Variants in C4orf50 observed in about 807,000 individuals in gnomAD.
C4orf50 encodes the protein chromosome 4 open reading frame 50, also known as uncharacterized protein C4orf50.
Under a neutral mutation model 77.2 loss-of-function variants are expected in C4orf50, and 80 were observed. That is an observed-to-expected ratio of 1.04 (90% CI 0.87 to 1.25). The LOEUF (loss-of-function observed/expected upper bound fraction) is 1.25, where lower values mean the gene tolerates loss of function less well. C4orf50 is among the 50% of genes most tolerant of loss of function. The pLI is 0.00. For missense variants in C4orf50, 1,257 were observed against 1,152.9 expected, an observed-to-expected ratio of 1.09 and a Z score of -1.31; for synonymous variants, 532 against 465.3, an observed-to-expected ratio of 1.14 and a Z score of -1.84.
intron 25 of C4orf50, among the ~76,000 whole-genome samples, chr4:6,004,012 TGTG>T (rs1722020078): frequency 7.7e-6 from 1 of 130,076 alleles, no homozygotes; most frequent in African/African-American, 2.9e-5. Context: ...ATGGTGATGA[TGTG>T]ATGGTGATAA....
At chr4:5,917,967 G>A (rs963771191) in intron 7 of C4orf50, among the ~76,000 whole-genome samples, 2 of 152,128 alleles carry the variant, frequency 1.3e-5, no homozygotes, top group African/African-American at 4.8e-5. Flanking sequence ...TCAGAGAGCC[G>A]GGGACTGGCC....
At chr4:5,914,627 T>C (rs1175893770) in intron 7 of C4orf50, among the ~76,000 whole-genome samples, 2 of 152,242 alleles carry the variant, frequency 1.3e-5, no homozygotes, top group Non-Finnish European at 2.9e-5. Flanking sequence ...AAGTTTACCA[T>C]GTCCTCTCTT....
At chr4:5,924,812 C>T (rs1333228855) in intron 7 of C4orf50, among the ~76,000 whole-genome samples, 2 of 152,204 alleles carry the variant, frequency 1.3e-5, no homozygotes, top group Non-Finnish European at 2.9e-5. Flanking sequence ...TTCAGTTGCC[C>T]ATGGAACATC....
chr4:5,910,195 T>TA (rs944253835), intron 7 of C4orf50, among the ~76,000 whole-genome samples: 13 of 152,124 alleles, frequency 8.5e-5, no homozygotes, highest in Admixed American at 4.6e-4. Context: ...GAAACATACA[T>TA]AAAAAAACCC....
At chr4:5,971,171 C>G (rs1048891806) in intron 31 of C4orf50, among the ~76,000 whole-genome samples, 1 of 152,232 alleles carries the variant, frequency 6.6e-6, no homozygotes, top group African/African-American at 2.4e-5. Context: ...ATCAGAGTCT[C>G]CCCAGCCATC....
At chr4:5,996,801 G>T (rs990894649) in intron 25 of C4orf50, among the ~76,000 whole-genome samples, 1 of 152,226 alleles carries the variant, frequency 6.6e-6, no homozygotes, top group Admixed American at 6.5e-5. Flanking sequence ...CCTGGGCAGC[G>T]ACATCCTGTC....
chr4:5,987,412 C>CAAAAAAAAAAAAAAAAAAAAAAA lies in C4orf50; in HGVS notation c.3699+912_3699+934dup, dbSNP rs58512584. Among the ~76,000 whole-genome samples, 6 of 33,648 alleles carry CAAAAAAAAAAAAAAAAAAAAAAA rather than the reference C, an allele frequency of 1.8e-4. 1 individual carries two copies. Among genetic ancestry groups the CAAAAAAAAAAAAAAAAAAAAAAA allele is most frequent in the Admixed American group, 6.0e-4 (1 of 1,666 alleles). The allele number at this position is 33,648 out of a possible 152,430, so 22.1% of individuals were successfully genotyped here. On this transcript the variant is annotated intron_variant, in intron 28 of 33. Coordinates refer to ENST00000531445, the Ensembl canonical transcript of C4orf50. ...GGTGACAGAGCGAGACTCTGTCTCA[C>CAAAAAAAAAAAAAAAAAAAAAAA]AAAAAAAAAAAAAAAAAAAAAAAGA...
At chr4:5,973,799 G>T (rs763609824) in exon 31 of C4orf50, 3 of 1,613,372 alleles carry the variant, frequency 1.9e-6, no homozygotes, top group East Asian at 4.5e-5. Context: ...GTGATCAGGC[G>T]GTTCCTCTCC....
downstream of C4orf50, among the ~76,000 whole-genome samples, chr4:5,956,480 A>T (rs118038532): frequency 1.6e-4 from 24 of 152,236 alleles, no homozygotes; most frequent in East Asian, 3.9e-3. Context: ...CCAGCCCTTC[A>T]CCTGTCCTGA....
chr4:5,971,070 G>C (rs6446424), intron 31 of C4orf50, among the ~76,000 whole-genome samples: 3,586 of 152,242 alleles, frequency 0.024, 123 homozygotes, highest in African/African-American at 0.081. Context: ...CCCTCCAGGG[G>C]TATTCCTGGA....
intron 33 of C4orf50, among the ~76,000 whole-genome samples, chr4:5,963,828 G>A (rs1423629864): frequency 6.6e-6 from 1 of 152,150 alleles, no homozygotes; most frequent in African/African-American, 2.4e-5. Context: ...TGACAGTTAC[G>A]TGCAGGCAGA....
In C4orf50 at chr4:6,018,099, C is replaced by T. The variant is rs1457915369; in HGVS notation, c.287+46G>A. On this transcript the variant is annotated intron_variant, in intron 23 of 33. Transcript: ENST00000531445. The surrounding 1 kb of genome is among the most constrained non-coding windows in gnomAD (Gnocchi z 5.1). The stretch of plus-strand genomic sequence containing the variant: ...CCATGGTGACACACTCTGATGGCCC[C>T]GCGGTTTGTGAAATACACACAGAGA... 4 of 398,086 alleles carry T rather than the reference C, an allele frequency of 1.0e-5. No individual in the cohort carries two copies. Among genetic ancestry groups the T allele is most frequent in the East Asian group, 3.6e-5 (1 of 28,068 alleles). The allele number at this position is 398,086 out of a possible 1,614,324, so 24.7% of individuals were successfully genotyped here. A position where few individuals can be genotyped will look rare whatever the true frequency, so the allele number is the denominator to read the frequency against.
chr4:5,948,869 G>C (rs1234575625), intron 7 of C4orf50, among the ~76,000 whole-genome samples: 1 of 149,414 alleles, frequency 6.7e-6, no homozygotes, highest in Non-Finnish European at 1.5e-5. Flanking sequence ...GCTGAGGCAG[G>C]AGAATCACTT....
chr4:5,978,824 C>A (rs1385503671), intron 29 of C4orf50, among the ~76,000 whole-genome samples: 1 of 152,132 alleles, frequency 6.6e-6, no homozygotes, highest in Non-Finnish European at 1.5e-5. Flanking sequence ...TTAAGGAAAC[C>A]ACATCCACCC....
At chr4:5,939,529 C>T (rs1369664153) in intron 7 of C4orf50, among the ~76,000 whole-genome samples, 1 of 152,222 alleles carries the variant, frequency 6.6e-6, no homozygotes, top group Non-Finnish European at 1.5e-5. Context: ...CCAGCAGAGC[C>T]TCGACATTGA....
At chr4:5,926,056 T>C (rs1390675892) in intron 7 of C4orf50, among the ~76,000 whole-genome samples, 1 of 152,152 alleles carries the variant, frequency 6.6e-6, no homozygotes, top group African/African-American at 2.4e-5. Context: ...ACACGATAGC[T>C]GGAAGGAGGG....
intron 33 of C4orf50, among the ~76,000 whole-genome samples, chr4:5,960,697 CG>C (rs1249563719): frequency 6.6e-6 from 1 of 152,156 alleles, no homozygotes; most frequent in Non-Finnish European, 1.5e-5. Flanking sequence ...GCCTCCAGGA[CG>C]GAAGTACTGA....
downstream of C4orf50, among the ~76,000 whole-genome samples, chr4:5,953,985 G>C (rs1718840151): frequency 1.3e-5 from 2 of 152,238 alleles, no homozygotes; most frequent in Non-Finnish European, 2.9e-5. Flanking sequence ...CAAGTGCCTT[G>C]CTTAGGACAC....
intron 30 of C4orf50, among the ~76,000 whole-genome samples, chr4:5,974,921 C>T (rs1010601103): frequency 6.6e-6 from 1 of 151,840 alleles, no homozygotes; most frequent in African/African-American, 2.4e-5. Context: ...GGGTGGATCA[C>T]CTGAGGTCAG....
Sources: gnomAD v4.1 joint callset for allele counts (sites outside exome capture counted in the v4.1 genomes callset) on GRCh38, gnomAD v4.1.1 for gene constraint, Gnocchi (gnomAD v3.1) non-coding constraint, MANE v1.5 for transcripts, NCBI Gene and HGNC (gene_info 2026-07-23, HGNC 2026-07-21) for gene names.